The following PCNX2 variants were observed in gnomAD, a reference collection of about 807,000 sequenced individuals.
PCNX2 encodes pecanex-like protein 2.
Under a neutral mutation model 223.8 loss-of-function variants are expected in PCNX2, and 168 were observed. The observed-to-expected ratio is 0.75, with a 90% CI of 0.66 to 0.85. The LOEUF (loss-of-function observed/expected upper bound fraction) is 0.85. Ranked by LOEUF, PCNX2 falls within the 40% of genes least tolerant of loss-of-function variation. PCNX2 has a pLI of 0.00. For missense variants in PCNX2, 2,507 were observed against 2,675.5 expected, an observed-to-expected ratio of 0.94 and a Z score of 1.39; for synonymous variants, 1,006 against 1,052.6, an observed-to-expected ratio of 0.96 and a Z score of 0.86.
chr1:233,142,797 A>C (rs2102783229), intron 19 of PCNX2, among the ~76,000 whole-genome samples: 1 of 152,102 alleles, frequency 6.6e-6, no homozygotes. Flanking sequence ...CTGACGCATA[A>C]AACATCACTA....
At chr1:233,314,074 T>C in the PCNX2 span, among the ~76,000 whole-genome samples, 1 of 152,214 alleles carries the variant, frequency 6.6e-6, no homozygotes, top group Non-Finnish European at 1.5e-5. Flanking sequence ...TGCAGGGCTG[T>C]ATGTGATAAC....
At chr1:233,187,142 T>G (rs937384050) in intron 15 of PCNX2, among the ~76,000 whole-genome samples, 1 of 152,256 alleles carries the variant, frequency 6.6e-6, no homozygotes, top group Non-Finnish European at 1.5e-5. Flanking sequence ...CGGCAGCGAC[T>G]ACCTGACTTG....
intron 17 of PCNX2, among the ~76,000 whole-genome samples, chr1:233,169,422 G>C (rs569794675): frequency 6.6e-6 from 1 of 151,690 alleles, no homozygotes; most frequent in Non-Finnish European, 1.5e-5. Context: ...CGAGACGGGC[G>C]GATCACGAGG....
At chr1:233,231,914 T>A (rs544649383) in intron 9 of PCNX2, among the ~76,000 whole-genome samples, 1 of 152,228 alleles carries the variant, frequency 6.6e-6, no homozygotes, top group Non-Finnish European at 1.5e-5. Context: ...GCACTGCAGT[T>A]TCCTTAGATA....
Position 233,258,146 on chromosome 1 carries a change from A to T in PCNX2, c.1716T>A (p.Asn572Lys), listed in dbSNP as rs1659836933. 1.9e-6 allele frequency: 3 copies of T among 1,613,994 alleles called. No homozygotes were observed. The East Asian group carries it at 6.7e-5, about 36-fold the overall frequency. Residue 572 changes from asparagine (N) to lysine (K), a missense_variant, in exon 5 of 34, where the codon AAT (asparagine) becomes AAA (lysine). By Grantham distance (94) the Asn-to-Lys change is moderately conservative. Around this residue, in one of 3 missense-constraint regions of PCNX2, gnomAD observed 1,031 missense variants for 1,021.7 expected, o/e 1.01. Transcript: ENST00000258229. ...DLEAKEGQMP[N>K]ESNFLEFVSL... is the part of the protein sequence containing the mutation. ...AGACAAATTCCAGGAAGTTGGACTC[A>T]TTTGGCATTTGTCCTTCCTTAGCCT...
At chr1:233,078,247 G>C (rs1393891161) in intron 23 of PCNX2, among the ~76,000 whole-genome samples, 1 of 152,200 alleles carries the variant, frequency 6.6e-6, no homozygotes, top group Non-Finnish European at 1.5e-5. Flanking sequence ...AGTGTCCTGT[G>C]ACAGTCACTT....
intron 20 of PCNX2, among the ~76,000 whole-genome samples, chr1:233,137,040 C>T (rs1483884065): frequency 6.6e-6 from 1 of 152,186 alleles, no homozygotes; most frequent in Admixed American, 6.5e-5. Context: ...GCAATAGTAA[C>T]AGCTACCATT....
intron 21 of PCNX2, among the ~76,000 whole-genome samples, chr1:233,103,620 T>C (rs565580348): frequency 8.5e-5 from 13 of 152,316 alleles, no homozygotes; most frequent in African/African-American, 3.1e-4. Flanking sequence ...TAGAATTCTT[T>C]TTTATGGCTG....
At chr1:233,150,129 A>G (rs1677709683) in intron 19 of PCNX2, among the ~76,000 whole-genome samples, 1 of 152,190 alleles carries the variant, frequency 6.6e-6, no homozygotes, top group Non-Finnish European at 1.5e-5. Flanking sequence ...CACAGGCAGC[A>G]TTCAGACTTT....
chr1:233,233,724 G>C (rs906827337), intron 9 of PCNX2, among the ~76,000 whole-genome samples: 2 of 151,930 alleles, frequency 1.3e-5, no homozygotes, highest in African/African-American at 4.8e-5. Flanking sequence ...GAAGGAGAGA[G>C]GCAGGGAGGA....
At chr1:233,105,048 T>C (rs1033335111) in intron 21 of PCNX2, among the ~76,000 whole-genome samples, 2 of 152,158 alleles carry the variant, frequency 1.3e-5, no homozygotes, top group African/African-American at 2.4e-5. Flanking sequence ...AAAATGTGCA[T>C]CTTAGAAAAA....
intron 25 of PCNX2, among the ~76,000 whole-genome samples, chr1:233,052,045 TTACTC>T (rs966183689): frequency 6.6e-6 from 1 of 152,190 alleles, no homozygotes; most frequent in African/African-American, 2.4e-5. Context: ...CCTTCTGTGA[TTACTC>T]TATAGAGTTT....
intron 9 of PCNX2, among the ~76,000 whole-genome samples, chr1:233,235,957 A>AAAAAAATAAAT (rs369886650): frequency 1.1e-5 from 1 of 93,114 alleles, no homozygotes; most frequent in African/African-American, 3.9e-5. Context: ...CATAAAAAAA[A>AAAAAAATAAAT]ATATATATAT....
At chr1:233,012,190 TA>T (rs1670492572) in intron 28 of PCNX2, among the ~76,000 whole-genome samples, 1 of 152,212 alleles carries the variant, frequency 6.6e-6, no homozygotes, top group South Asian at 2.1e-4. Context: ...ACAGTATCTA[TA>T]AAAATTATGT....
At chr1:233,089,833 TGGACTAGTATTC>T (rs1338751394) in intron 23 of PCNX2, 38 of 1,259,506 alleles carry the variant, frequency 3.0e-5, no homozygotes, top group Admixed American at 8.0e-5. Context: ...TGGTGAAACC[TGGACTAGTATTC>T]GTTGGCTAAT....
intron 26 of PCNX2, among the ~76,000 whole-genome samples, chr1:233,021,209 T>C (rs1263989618): frequency 1.3e-5 from 2 of 152,118 alleles, no homozygotes; most frequent in Non-Finnish European, 2.9e-5. Context: ...CCTCGCAGGA[T>C]AGGCCTGGCA....
At chr1:233,261,753 G>C (rs973389414) in intron 3 of PCNX2, among the ~76,000 whole-genome samples, 1 of 152,248 alleles carries the variant, frequency 6.6e-6, no homozygotes, top group Non-Finnish European at 1.5e-5. Context: ...ACAACAGAAA[G>C]AAGCAAAGGC....
intron 17 of PCNX2, chr1:233,172,278 A>T: frequency 1.1e-6 from 1 of 904,458 alleles, no homozygotes; most frequent in Non-Finnish European, 1.3e-6. Flanking sequence ...CTGGTTTGGG[A>T]AACACTTGGA....
chr1:233,032,753 G>A (rs534703479), intron 25 of PCNX2, among the ~76,000 whole-genome samples: 3 of 152,190 alleles, frequency 2.0e-5, no homozygotes, highest in Non-Finnish European at 4.4e-5. Context: ...AGGAACACAC[G>A]GGTATCTCTA....
Sources: gnomAD v4.1 joint callset for allele counts (sites outside exome capture counted in the v4.1 genomes callset) on GRCh38, gnomAD v4.1.1 for gene constraint, gnomAD v4.1.1 regional missense constraint, MANE v1.5 for transcripts, NCBI Gene and HGNC (gene_info 2026-07-23, HGNC 2026-07-21) for gene names.